Variants in LAMA2 observed in about 807,000 individuals in gnomAD.
LAMA2 encodes laminin subunit alpha 2.
LAMA2 carries 269 observed loss-of-function variants against 364.8 expected under a neutral mutation model. That is an observed-to-expected ratio of 0.74 (90% CI 0.67 to 0.82). LAMA2 has a LOEUF of 0.82. LAMA2 is among the 40% of genes least tolerant of loss of function. The probability of loss-of-function intolerance (pLI) is 0.00; values close to 1 mark genes in which losing one functional copy is unlikely to be tolerated. For synonymous variants in LAMA2, 1,379 were observed against 1,370.6 expected (o/e 1.01, Z -0.14); for missense variants, 3,807 against 3,873.2 (o/e 0.98, Z 0.45).
In LAMA2 at chr6:129,454,209, GT is replaced by G; in HGVS notation, c.6630del (p.Gly2211AspfsTer7). ...RKGKVSFLWDVGSGVGRVEYP... is the reference protein window; with the variant it reads ...RKGKVSFLWDXGSGVGRVEYP... ...AGGCAAAGTCAGCTTCCTCTGGGATGTTGGATCTGGAGTTGGACGTGTAGAG... is the reference window on the plus strand; with the variant it reads ...AGGCAAAGTCAGCTTCCTCTGGGATGTGGATCTGGAGTTGGACGTGTAGAG... On this transcript the variant is annotated frameshift_variant, in exon 47 of 65. Coordinates refer to ENST00000421865, the MANE Select transcript of LAMA2 (RefSeq NM_000426.4). LOFTEE classifies it high-confidence loss of function. 6.2e-7 allele frequency: 1 copy of G among 1,612,480 alleles called. No homozygotes were observed. Among genetic ancestry groups the G allele is most frequent in the Non-Finnish European group, 8.5e-7 (1 of 1,178,678 alleles).
rs58171173 is a variant in LAMA2, at chr6:129,221,296, CTT to C, written c.1782+28457_1782+28458del. 8.5e-4 allele frequency among the ~76,000 whole-genome samples: 107 copies of C among 125,840 alleles called. 1 individual carries two copies. The highest frequency in any genetic ancestry group is 2.7e-3 in the African/African-American group (97 of 35,288). 82.6% of individuals were successfully genotyped at this position (125,840 alleles called of 152,430 possible). A position where few individuals can be genotyped will look rare whatever the true frequency, so the allele number is the denominator to read the frequency against. On this transcript the variant is annotated intron_variant, in intron 12 of 64. Transcript: ENST00000421865. ...AAAGCATAATTGATTATACTGGTTT[CTT>C]TTTTTTTTTTTTTCATTTGGAACAT...
intron 1 of LAMA2, among the ~76,000 whole-genome samples, chr6:128,933,909 T>A (rs1425186436): frequency 6.6e-6 from 1 of 152,230 alleles, no homozygotes; most frequent in Non-Finnish European, 1.5e-5. Flanking sequence ...ATTTTGTTGA[T>A]TGTATCCTCT....
Position 129,038,640 on chromosome 6 carries a change from T to C in LAMA2, c.113-11278T>C, listed in dbSNP as rs1786848362. ...TCTCTACTCCTATCATTATCTGATTTTCCTTATCTCTCTAGTCTGTGCTTC... is the reference window on the plus strand; with the variant it reads ...TCTCTACTCCTATCATTATCTGATTCTCCTTATCTCTCTAGTCTGTGCTTC... On this transcript the variant is annotated intron_variant, in intron 1 of 64. Transcript: ENST00000421865. 2.0e-5 allele frequency among the ~76,000 whole-genome samples: 3 copies of C among 152,336 alleles called. No individual in the cohort carries two copies. The South Asian group carries it at 6.2e-4, about 32-fold the overall frequency.
In LAMA2 at chr6:129,112,261, A is replaced by AT. The variant is rs750221663; in HGVS notation, c.639+13852dup. On this transcript the variant is annotated intron_variant, in intron 4 of 64. Coordinates refer to ENST00000421865, the MANE Select transcript of LAMA2 (RefSeq NM_000426.4). ...TATCAGAATGATTTAATTTTGTGTT[A>AT]TTTTTTATCTCCACATTAGTTTGTT... is the stretch of plus-strand genomic sequence containing the variant. Among the ~76,000 whole-genome samples the AT allele has an allele frequency of 1.0e-3, 152 of 152,048 alleles. 1 individual carries two copies. The highest frequency in any genetic ancestry group is 3.7e-3 in the South Asian group (18 of 4,828).
At chr6:128,976,211 G>C (rs1272098468) in intron 1 of LAMA2, among the ~76,000 whole-genome samples, 1 of 152,162 alleles carries the variant, frequency 6.6e-6, no homozygotes, top group East Asian at 1.9e-4. Context: ...GAGGAAGAAG[G>C]CTCTAGGCAT....
intron 28 of LAMA2, among the ~76,000 whole-genome samples, chr6:129,326,213 A>T (rs946531987): frequency 2.6e-5 from 4 of 152,126 alleles, no homozygotes; most frequent in Non-Finnish European, 5.9e-5. Flanking sequence ...CTGCGCTCTA[A>T]TTGTCTGTTA....
At chr6:129,422,035 C>G (rs1212558683) in intron 40 of LAMA2, among the ~76,000 whole-genome samples, 1 of 152,004 alleles carries the variant, frequency 6.6e-6, no homozygotes, top group Non-Finnish European at 1.5e-5. Flanking sequence ...TTCAAACCTT[C>G]CAGAAATTGA....
intron 2 of LAMA2, among the ~76,000 whole-genome samples, chr6:129,058,148 C>T (rs549089821): frequency 6.6e-6 from 1 of 152,290 alleles, no homozygotes; most frequent in East Asian, 1.9e-4. Context: ...TCCTGCCATC[C>T]TCACCCATGC....
intron 55 of LAMA2, 125 bp downstream of exon 55, chr6:129,481,564 A>G: frequency 1.2e-6 from 1 of 816,546 alleles, no homozygotes; most frequent in South Asian, 1.4e-5. Flanking sequence ...AGGACTGAAC[A>G]TTCCATATTT....
At chr6:129,060,777 C>T (rs544593116) in intron 3 of LAMA2, among the ~76,000 whole-genome samples, 1 of 152,310 alleles carries the variant, frequency 6.6e-6, no homozygotes, top group South Asian at 2.1e-4. Context: ...CAATCTCCCT[C>T]CTCCAGTGTC....
At chr6:129,324,675 A>C (rs1775166523) in intron 28 of LAMA2, among the ~76,000 whole-genome samples, 1 of 152,226 alleles carries the variant, frequency 6.6e-6, no homozygotes, top group Non-Finnish European at 1.5e-5. Context: ...CTCCTAGGCT[A>C]CAGACCTGCA....
chr6:129,117,338 CAAT>C (rs1260759055), intron 4 of LAMA2, among the ~76,000 whole-genome samples: 8 of 152,102 alleles, frequency 5.3e-5, no homozygotes, highest in African/African-American at 9.7e-5. Context: ...ATTTTTTACT[CAAT>C]GATGATTCAT....
At chr6:129,261,316 C>T (rs1787111757) in intron 15 of LAMA2, among the ~76,000 whole-genome samples, 1 of 151,806 alleles carries the variant, frequency 6.6e-6, no homozygotes, top group Non-Finnish European at 1.5e-5. Context: ...GGAAAAAATA[C>T]CTTGATATAG....
chr6:129,442,784 ATAGT>A (rs1378669699), intron 43 of LAMA2: 2 of 453,834 alleles, frequency 4.4e-6, no homozygotes, highest in African/African-American at 2.0e-5. Flanking sequence ...ATTATGAGAA[ATAGT>A]TAATTATCTA....
At chr6:128,967,431 T>C (rs140099790) in intron 1 of LAMA2, among the ~76,000 whole-genome samples, 6 of 152,270 alleles carry the variant, frequency 3.9e-5, no homozygotes, top group Admixed American at 2.6e-4. Flanking sequence ...CACTGTTAGA[T>C]TGGCCTCATG....
intron 1 of LAMA2, among the ~76,000 whole-genome samples, chr6:129,035,459 CTGTT>C (rs770946562): frequency 7.6e-5 from 11 of 144,922 alleles, no homozygotes; most frequent in South Asian, 4.2e-4. Flanking sequence ...CTGCAGTTGT[CTGTT>C]TATTTTGTTA....
At chr6:129,121,703 T>G (rs905933180) in intron 4 of LAMA2, among the ~76,000 whole-genome samples, 1 of 152,170 alleles carries the variant, frequency 6.6e-6, no homozygotes, top group African/African-American at 2.4e-5. Context: ...ATAAACAGGT[T>G]TTCAGAAATT....
At chr6:129,224,680 A>ATCCACTTG (rs1422453250) in intron 12 of LAMA2, among the ~76,000 whole-genome samples, 1 of 152,202 alleles carries the variant, frequency 6.6e-6, no homozygotes, top group East Asian at 1.9e-4. Flanking sequence ...CCCGTGGATG[A>ATCCACTTG]AGCCCACTTG....
chr6:129,343,166 G>A (rs1376375601), intron 30 of LAMA2, among the ~76,000 whole-genome samples: 2 of 152,064 alleles, frequency 1.3e-5, no homozygotes, highest in East Asian at 3.8e-4. Context: ...TTTCTGTTAA[G>A]TGATTTATAG....
Sources: gnomAD v4.1 joint callset for allele counts (sites outside exome capture counted in the v4.1 genomes callset) on GRCh38, gnomAD v4.1.1 for gene constraint, MANE v1.5 for transcripts, NCBI Gene and HGNC (gene_info 2026-07-23, HGNC 2026-07-21) for gene names.